KDM4B: variants seen among roughly 807,000 people sequenced by gnomAD.
KDM4B encodes the protein lysine demethylase 4B.
KDM4B carries 32 observed loss-of-function variants against 125.2 expected under a neutral mutation model. That is an observed-to-expected ratio of 0.26 (90% CI 0.19 to 0.34). The LOEUF is 0.34. Ranked by LOEUF, KDM4B falls within the 10% of genes least tolerant of loss-of-function variation. KDM4B has a pLI of 1.00. For synonymous variants in KDM4B, 721 were observed against 677.9 expected (o/e 1.06, Z -0.99); for missense variants, 1,190 against 1,577.7 (o/e 0.75, Z 4.16).
intron 6 of KDM4B, among the ~76,000 whole-genome samples, chr19:5,056,904 C>A (rs1224870173): frequency 9.5e-6 from 1 of 105,222 alleles, no homozygotes; most frequent in Non-Finnish European, 1.9e-5. Context: ...AGTCCTGGGG[C>A]GGGGAGTCCT....
chr19:5,139,550 C>T (rs1467506994), intron 18 of KDM4B, among the ~76,000 whole-genome samples: 1 of 152,236 alleles, frequency 6.6e-6, no homozygotes, highest in African/African-American at 2.4e-5. Context: ...CCCCCGGGTG[C>T]AGGGCTTTCC....
rs930764875 is a variant in KDM4B, at chr19:5,035,895, G to A, written c.141+2864G>A. 8.0e-6 allele frequency among the ~76,000 whole-genome samples: 1 copy of A among 125,054 alleles called. No homozygotes were observed. The highest frequency in any genetic ancestry group is 2.8e-5 in the African/African-American group (1 of 35,754). The allele number at this position is 125,054 out of a possible 152,430, so 82.0% of individuals were successfully genotyped here. A position where few individuals can be genotyped will look rare whatever the true frequency, so the allele number is the denominator to read the frequency against. On this transcript the variant is annotated intron_variant, in intron 3 of 22. Transcript: ENST00000159111. The surrounding 1 kb of genome is among the most constrained non-coding windows in gnomAD (Gnocchi z 5.3). The stretch of plus-strand genomic sequence containing the variant: ...TGTGTGTGTGTGCGCGCGCGCGCGC[G>A]CCTGCGCGCACAGGAGACTGAGGTG...
intron 10 of KDM4B, chr19:5,111,833 A>G (rs745464466): frequency 2.6e-6 from 2 of 764,944 alleles, no homozygotes; most frequent in Non-Finnish European, 4.8e-6. Flanking sequence ...ACCCTTGCAG[A>G]TGATAGACAG....
At chr19:5,052,866 T>A (rs2037275787) in intron 6 of KDM4B, among the ~76,000 whole-genome samples, 1 of 152,200 alleles carries the variant, frequency 6.6e-6, no homozygotes, top group South Asian at 2.1e-4. Context: ...GACTTCCAGC[T>A]TCTGAGCCCG....
chr19:5,043,688 G>A (rs147100179), intron 5 of KDM4B, among the ~76,000 whole-genome samples: 14 of 147,280 alleles, frequency 9.5e-5, no homozygotes, highest in Non-Finnish European at 1.9e-4. Flanking sequence ...CGTATCCTGC[G>A]TGGTGTTTAT....
rs1404536164 is a variant in KDM4B, at chr19:5,085,366, G to A, written c.918+2862G>A. ...CATGTGTCTGTGTGTTTGTGCTGCCGTGAGGACACCACGGGTGTTGTGACC... is the reference window on the plus strand; with the variant it reads ...CATGTGTCTGTGTGTTTGTGCTGCCATGAGGACACCACGGGTGTTGTGACC... On this transcript the variant is annotated intron_variant, in intron 9 of 22. Transcript: ENST00000159111. Among the ~76,000 whole-genome samples, 6 of 152,218 alleles carry A rather than the reference G, an allele frequency of 3.9e-5. No homozygotes were observed. In the South Asian group the frequency reaches 8.3e-4, roughly 21 times the overall value.
intron 1 of KDM4B, among the ~76,000 whole-genome samples, chr19:4,983,341 T>C (rs1197299612): frequency 6.6e-6 from 1 of 152,160 alleles, no homozygotes; most frequent in African/African-American, 2.4e-5. Context: ...TGCCCCCGCC[T>C]ATCCCAGGCA....
chr19:5,062,683 C>G (rs933080457), intron 6 of KDM4B, among the ~76,000 whole-genome samples: 1 of 151,742 alleles, frequency 6.6e-6, no homozygotes, highest in Non-Finnish European at 1.5e-5. Context: ...AAAAATTCTG[C>G]CACCTTGCTG....
chr19:5,147,614 G>A (rs188248962), intron 21 of KDM4B, among the ~76,000 whole-genome samples: 173 of 152,026 alleles, frequency 1.1e-3, no homozygotes, highest in Non-Finnish European at 1.7e-3. Context: ...ATGGTGGCAC[G>A]CACCTTTAGT....
At chr19:5,143,934 G>A in intron 18 of KDM4B, 33 bp from the exon 19 acceptor site, 6 of 1,532,084 alleles carry the variant, frequency 3.9e-6, no homozygotes, top group Non-Finnish European at 4.4e-6. Flanking sequence ...GGAAGCTCGA[G>A]CCCCATGCCC....
Position 5,082,209 on chromosome 19 carries a change from G to A in KDM4B, c.781-158G>A, listed in dbSNP as rs1367449979. Among the ~76,000 whole-genome samples, 1 of 152,182 alleles carries A rather than the reference G, an allele frequency of 6.6e-6. No homozygotes were observed. The highest frequency in any genetic ancestry group is 2.4e-5 in the African/African-American group (1 of 41,442). On this transcript the variant is annotated intron_variant, in intron 8 of 22. Coordinates refer to ENST00000159111, the MANE Select transcript of KDM4B (RefSeq NM_015015.3). The surrounding 1 kb of genome is among the most constrained non-coding windows in gnomAD (Gnocchi z 5.4). ...TGAGCCGCGTGGGAAATGGGCTGGAGCCCTGGAGCCCCTGGAGCCGCTGGA... is the reference window on the plus strand; with the variant it reads ...TGAGCCGCGTGGGAAATGGGCTGGAACCCTGGAGCCCCTGGAGCCGCTGGA...
intron 6 of KDM4B, among the ~76,000 whole-genome samples, chr19:5,054,972 C>T (rs1352252652): frequency 3.3e-5 from 5 of 152,362 alleles, no homozygotes; most frequent in African/African-American, 7.2e-5. Flanking sequence ...AAAATTAACT[C>T]GTGATGCTGC....
chr19:5,125,403 C>T (rs923825550), intron 11 of KDM4B, among the ~76,000 whole-genome samples: 1 of 152,182 alleles, frequency 6.6e-6, no homozygotes, highest in Non-Finnish European at 1.5e-5. Flanking sequence ...GCTGGATGGG[C>T]GGCTTTCCTC....
rs1288172305 is a variant in KDM4B at position 5,000,658 on chromosome 19, G to GT, written c.-108-15598dup. On this transcript the variant is annotated intron_variant, in intron 1 of 22. Transcript: ENST00000159111. Reference sequence around the variant, plus strand: ...TCTCAAAGACATACAGTCCCAAACTGTATTTAAAAGTTTACATGGATTAGT... The same window carrying GT: ...TCTCAAAGACATACAGTCCCAAACTGTTATTTAAAAGTTTACATGGATTAGT... Among the ~76,000 whole-genome samples the GT allele has an allele frequency of 2.0e-5, 3 of 152,162 alleles. No homozygotes were observed. The East Asian group carries it at 5.8e-4, about 29-fold the overall frequency.
chr19:5,106,275 T>C (rs1273072331), intron 9 of KDM4B, among the ~76,000 whole-genome samples: 2 of 152,132 alleles, frequency 1.3e-5, no homozygotes, highest in African/African-American at 4.8e-5. Context: ...TGCGCGCGCG[T>C]GCAAGCGTAC....
intron 6 of KDM4B, among the ~76,000 whole-genome samples, chr19:5,054,031 C>T (rs1013845830): frequency 6.6e-6 from 1 of 152,232 alleles, no homozygotes; most frequent in East Asian, 1.9e-4. Flanking sequence ...ATCAGTGCAG[C>T]GGTTCTTTAT....
At chr19:5,111,744 A>G (rs2039151151) in intron 10 of KDM4B, 1 of 764,848 alleles carries the variant, frequency 1.3e-6, no homozygotes, top group African/African-American at 1.7e-5. Flanking sequence ...AGGGCCAGAG[A>G]GCAAACATTT....
chr19:5,056,894 AGTCCTGGGGCG>A (rs1568263861), intron 6 of KDM4B, among the ~76,000 whole-genome samples: 39 of 51,594 alleles, frequency 7.6e-4, no homozygotes, highest in Non-Finnish European at 1.3e-3. Context: ...TGGGGCGGGG[AGTCCTGGGGCG>A]GGGAGTCCTG....
intron 9 of KDM4B, among the ~76,000 whole-genome samples, chr19:5,096,766 C>T (rs563846792): frequency 1.3e-5 from 2 of 150,126 alleles, no homozygotes; most frequent in African/African-American, 2.5e-5. Flanking sequence ...GTCGGTGGCG[C>T]GTGTTGCCGT....
Sources: allele counts gnomAD v4.1 joint callset (sites outside exome capture counted in the v4.1 genomes callset), GRCh38; gene constraint gnomAD v4.1.1; non-coding constraint Gnocchi (gnomAD v3.1); transcripts MANE v1.5; gene names NCBI Gene and HGNC (gene_info 2026-07-23, HGNC 2026-07-21).